Variants in GLT8D1 observed in about 807,000 individuals in gnomAD.
The protein encoded by GLT8D1 is glycosyltransferase 8 domain containing 1, also known as glycosyltransferase 8 domain-containing protein 1.
GLT8D1 carries 41 observed loss-of-function variants against 46.2 expected under a neutral mutation model. The ratio of observed to expected loss-of-function variants is 0.89; its 90% CI spans 0.69 to 1.15. The LOEUF (loss-of-function observed/expected upper bound fraction) is 1.15, where lower values mean the gene tolerates loss of function less well. Ranked by LOEUF, GLT8D1 falls within the 50% of genes most tolerant of loss-of-function variation. The pLI is 0.00. For synonymous variants in GLT8D1, 150 were observed against 154.2 expected (o/e 0.97, Z 0.20); for missense variants, 408 against 449.3 (o/e 0.91, Z 0.83).
chr3:52,698,947 A>G (rs372793873), intron 3 of GLT8D1, among the ~76,000 whole-genome samples: 4 of 152,150 alleles, frequency 2.6e-5, no homozygotes, highest in African/African-American at 9.7e-5. Context: ...TGTATTTCCT[A>G]TTGTAGGGCT....
intron 2 of GLT8D1, 39 bp downstream of exon 2, chr3:52,700,406 C>A: frequency 6.3e-7 from 1 of 1,592,532 alleles, no homozygotes; most frequent in Non-Finnish European, 8.6e-7. Flanking sequence ...TTATCTTTGA[C>A]CAGGTATAAA....
intron 1 of GLT8D1, among the ~76,000 whole-genome samples, chr3:52,702,184 T>A (rs923349171): frequency 3.3e-5 from 5 of 152,226 alleles, no homozygotes; most frequent in African/African-American, 1.2e-4. Flanking sequence ...GAAAATTGTG[T>A]GCCTACCAGG....
intron 4 of GLT8D1, among the ~76,000 whole-genome samples, chr3:52,696,886 T>C (rs142470202): frequency 2.1e-5 from 1 of 48,106 alleles, no homozygotes; most frequent in East Asian, 5.7e-4. Flanking sequence ...AGAAAAACTA[T>C]AGAATTAAGA....
chr3:52,695,344 T>G, intron 8 of GLT8D1, 42 bp from the exon 9 acceptor site: 1 of 1,583,820 alleles, frequency 6.3e-7, no homozygotes. Flanking sequence ...TGAAAAGTAC[T>G]GACTAACTCC....
rs1278452865 is a variant in GLT8D1 at position 52,699,725 on chromosome 3, A to G, written c.115+537T>C. Among the ~76,000 whole-genome samples the G allele has an allele frequency of 3.9e-5, 6 of 152,346 alleles. No homozygotes were observed. The East Asian group carries it at 9.6e-4, about 24-fold the overall frequency. On this transcript the variant is annotated intron_variant, in intron 3 of 9. Coordinates refer to ENST00000266014, the MANE Select transcript of GLT8D1 (RefSeq NM_018446.4). ...ATATATACACGTGATAAAACATGCT[A>G]TCAGAGCACTCCGTGAAAGTCAGGG...
intron 9 of GLT8D1, 70 bp downstream of exon 9, chr3:52,695,120 C>G (rs1209269272): frequency 7.0e-7 from 1 of 1,420,606 alleles, no homozygotes; most frequent in South Asian, 1.2e-5. Context: ...AAGAATATAC[C>G]CCATCCCTGA....
Position 52,702,493 on chromosome 3 carries a change from C to G in GLT8D1, c.-36-1997G>C, listed in dbSNP as rs1022543965. On this transcript the variant is annotated intron_variant, in intron 1 of 9. Transcript: ENST00000266014. ...CCAGGGAGGTCAAGGCTGCAGTAAGCCATATTCATGCCACTGCACTCCAGC... is the reference window on the plus strand; with the variant it reads ...CCAGGGAGGTCAAGGCTGCAGTAAGGCATATTCATGCCACTGCACTCCAGC... Among the ~76,000 whole-genome samples the G allele has an allele frequency of 3.9e-5, 6 of 152,184 alleles. No homozygotes were observed. The South Asian group carries it at 1.2e-3, about 32-fold the overall frequency.
intron 3 of GLT8D1, among the ~76,000 whole-genome samples, chr3:52,699,927 G>A (rs2097337852): frequency 6.6e-6 from 1 of 152,198 alleles, no homozygotes; most frequent in Non-Finnish European, 1.5e-5. Flanking sequence ...AAAATCACTT[G>A]ACAAACTTTT....
In GLT8D1 at chr3:52,694,801, C is replaced by G; in HGVS notation, c.*44G>C. 1 of 1,365,890 alleles carries G rather than the reference C, an allele frequency of 7.3e-7. No individual in the cohort carries two copies. Among genetic ancestry groups the G allele is most frequent in the Non-Finnish European group, 1.0e-6 (1 of 954,070 alleles). The allele number at this position is 1,365,890 out of a possible 1,614,324, so 84.6% of individuals were successfully genotyped here. ...TGTTACTTCCCACGCATGCTATCTT[C>G]CAGGACTTCCTGAGAAATGCTTGCT... On this transcript the variant is annotated 3_prime_UTR_variant, in exon 10 of 10. Transcript: ENST00000266014.
intron 4 of GLT8D1, chr3:52,697,474 G>A (rs564786953): frequency 1.6e-5 from 8 of 512,134 alleles, no homozygotes; most frequent in Admixed American, 1.3e-4. Flanking sequence ...ACACCATCAG[G>A]TGGGGTTAAC....
At chr3:52,699,591 G>A (rs1054777948) in intron 3 of GLT8D1, among the ~76,000 whole-genome samples, 4 of 152,098 alleles carry the variant, frequency 2.6e-5, no homozygotes, top group African/African-American at 9.7e-5. Flanking sequence ...CGCCCACCTT[G>A]GCCTACCAAA....
chr3:52,698,794 A>T (rs79027440), intron 3 of GLT8D1, among the ~76,000 whole-genome samples: 2,504 of 140,458 alleles, frequency 0.018, 60 homozygotes, highest in African/African-American at 0.061. Context: ...TTTTTTTTTT[A>T]TTCCTCATTG....
chr3:52,697,848 C>T lies in GLT8D1; in HGVS notation c.202G>A (p.Val68Met). The change falls in exon 4 of 10, where the codon GTG becomes ATG. Residue 68 changes from valine (V) to methionine (M), a missense_variant. Coordinates refer to ENST00000266014, the MANE Select transcript of GLT8D1 (RefSeq NM_018446.4). ...CTGTCTTCAGATGCAGCGATGACCACAGGAATCTCCTCTTGTCTCCCATCT... is the reference window on the plus strand; with the variant it reads ...CTGTCTTCAGATGCAGCGATGACCATAGGAATCTCCTCTTGTCTCCCATCT... ...AVDGRQEEIP[V>M]VIAASEDRLG... is the part of the protein sequence containing the mutation. 1 of 1,613,682 alleles carries T rather than the reference C, an allele frequency of 6.2e-7. No individual in the cohort carries two copies. Among genetic ancestry groups the T allele is most frequent in the African/African-American group, 1.3e-5 (1 of 75,044 alleles).
chr3:52,705,724 C>A lies in GLT8D1; in HGVS notation c.-314G>T. 1 of 680,858 alleles carries A rather than the reference C, an allele frequency of 1.5e-6. No individual in the cohort carries two copies. The highest frequency in any genetic ancestry group is 2.0e-6 in the Non-Finnish European group (1 of 502,510). 42.2% of individuals were successfully genotyped at this position (680,858 alleles called of 1,614,324 possible). A position where few individuals can be genotyped will look rare whatever the true frequency, so the allele number is the denominator to read the frequency against. On this transcript the variant is annotated 5_prime_UTR_variant, in exon 1 of 10. Transcript: ENST00000266014. ...TTGCCCTCTAGCTCCGTGGCAGCCG[C>A]GCAGCCCCACTACGCCCAGCCAGCC...
At position 52,705,686 on chromosome 3, in the gene GLT8D1, G is replaced by A. The variant is rs2097343704; in HGVS notation, c.-276C>T. 5.7e-6 allele frequency: 2 copies of A among 352,972 alleles called. No homozygotes were observed. Among genetic ancestry groups the A allele is most frequent in the African/African-American group, 2.2e-5 (1 of 46,336 alleles). The allele number at this position is 352,972 out of a possible 1,614,324, so 21.9% of individuals were successfully genotyped here. A position where few individuals can be genotyped will look rare whatever the true frequency, so the allele number is the denominator to read the frequency against. On this transcript the variant is annotated 5_prime_UTR_variant, in exon 1 of 10. Coordinates refer to ENST00000266014, the MANE Select transcript of GLT8D1 (RefSeq NM_018446.4). The stretch of plus-strand genomic sequence containing the variant: ...TGGCCGCCCGCGTTCCCTGCACGCT[G>A]GGCCGAGCACACTTGCCCTCTAGCT...
At chr3:52,699,643 TTC>T (rs2097337559) in intron 3 of GLT8D1, among the ~76,000 whole-genome samples, 2 of 152,182 alleles carry the variant, frequency 1.3e-5, no homozygotes, top group Non-Finnish European at 2.9e-5. Flanking sequence ...CCGGCCGCTG[TTC>T]TCTTTTTTAT....
rs2097335667 is a variant in GLT8D1 at position 52,698,018 on chromosome 3, G to A, written c.116-84C>T. Reference sequence around the variant, plus strand: ...AAGACATGGAAAAAGGGAAGGTAAGGATTATGGTACTGATCTACCTCATTC... The same window carrying A: ...AAGACATGGAAAAAGGGAAGGTAAGAATTATGGTACTGATCTACCTCATTC... On this transcript the variant is annotated intron_variant, in intron 3 of 9. Coordinates refer to ENST00000266014, the MANE Select transcript of GLT8D1 (RefSeq NM_018446.4). The A allele has an allele frequency of 1.8e-5, 15 of 852,712 alleles. No homozygotes were observed. The South Asian group carries it at 2.0e-4, about 12-fold the overall frequency. The allele number at this position is 852,712 out of a possible 1,614,324, so 52.8% of individuals were successfully genotyped here. A position where few individuals can be genotyped will look rare whatever the true frequency, so the allele number is the denominator to read the frequency against.
intron 6 of GLT8D1, 81 bp from the exon 7 acceptor site, chr3:52,696,121 C>CTT: frequency 1.7e-6 from 2 of 1,168,820 alleles, no homozygotes; most frequent in Non-Finnish European, 2.6e-6. Flanking sequence ...CTATGGTGAC[C>CTT]TTTTATAGAA....
At position 52,697,839 on chromosome 3, in the gene GLT8D1, C is replaced by T. The variant is rs1479240790; in HGVS notation, c.211G>A (p.Ala71Thr). The T allele has an allele frequency of 8.1e-6, 13 of 1,613,012 alleles. No homozygotes were observed. Among genetic ancestry groups the T allele is most frequent in the South Asian group, 3.3e-5 (3 of 91,050 alleles). Residue 71 changes from alanine (A) to threonine (T), a missense_variant, in exon 4 of 10, where the codon GCT (alanine) becomes ACT (threonine). By Grantham distance (58) the Ala-to-Thr change is moderately conservative (BLOSUM62 0). Transcript: ENST00000266014. ...GRQEEIPVVIAASEDRLGGAI... is the reference protein window; with the variant it reads ...GRQEEIPVVITASEDRLGGAI... ...CCCCCAAGCCTGTCTTCAGATGCAGCGATGACCACAGGAATCTCCTCTTGT... is the reference window on the plus strand; with the variant it reads ...CCCCCAAGCCTGTCTTCAGATGCAGTGATGACCACAGGAATCTCCTCTTGT...
Sources: gnomAD v4.1 joint callset for allele counts (sites outside exome capture counted in the v4.1 genomes callset) on GRCh38, gnomAD v4.1.1 for gene constraint, MANE v1.5 for transcripts, NCBI Gene and HGNC (gene_info 2026-07-23, HGNC 2026-07-21) for gene names.